Variants in C2orf76 observed in about 807,000 individuals in gnomAD.
C2orf76 encodes UPF0538 protein C2orf76.
In C2orf76, 23 loss-of-function variants were observed where a neutral mutation model predicts 16.9. That is an observed-to-expected ratio of 1.36 (90% CI 0.98 to 1.93). C2orf76 has a LOEUF of 1.93. Ranked by LOEUF, C2orf76 falls within the 30% of genes most tolerant of loss-of-function variation. The pLI is 0.00. For missense variants in C2orf76, 152 were observed against 152.6 expected (o/e 1.00, Z 0.02); for synonymous variants, 48 against 52.3 (o/e 0.92, Z 0.35).
At chr2:119,290,937 T>C in the C2orf76 span, among the ~76,000 whole-genome samples, 1 of 152,130 alleles carries the variant, frequency 6.6e-6, no homozygotes, top group Non-Finnish European at 1.5e-5. Context: ...TGGCTTTGAC[T>C]TTCAGCTATC....
intron 1 of C2orf76, among the ~76,000 whole-genome samples, chr2:119,360,783 G>T (rs1340216361): frequency 6.6e-6 from 1 of 152,078 alleles, no homozygotes; most frequent in Non-Finnish European, 1.5e-5. Context: ...CTATATGATG[G>T]AATAGTACTC....
At chr2:119,315,916 A>C (rs116771408) in intron 4 of C2orf76, among the ~76,000 whole-genome samples, 4,063 of 152,310 alleles carry the variant, frequency 0.027, 79 homozygotes, top group Middle Eastern at 0.092. Flanking sequence ...TAATACTGAT[A>C]ATTTGAACAT....
At chr2:119,341,108 T>C (rs1680016061) in intron 1 of C2orf76, among the ~76,000 whole-genome samples, 1 of 152,074 alleles carries the variant, frequency 6.6e-6, no homozygotes, top group Non-Finnish European at 1.5e-5. Flanking sequence ...CTAATTCATA[T>C]CATTTGAATC....
Position 119,317,503 on chromosome 2 carries a change from T to C in C2orf76, c.185A>G (p.Asp62Gly), listed in dbSNP as rs1320660317. 4 of 1,605,260 alleles carry C rather than the reference T, an allele frequency of 2.5e-6. No individual in the cohort carries two copies. The Admixed American group carries it at 6.7e-5, about 27-fold the overall frequency. Reference sequence around the variant, plus strand: ...TGCTTGATGAATAATCTTTAGTGCATCTGAAAGAAAAAAGCAAGTTATCTT... The same window carrying C: ...TGCTTGATGAATAATCTTTAGTGCACCTGAAAGAAAAAAGCAAGTTATCTT... ...LPPPFRNYKY[D>G]ALKIIHQAHK... Residue 62 changes from aspartate to glycine, a missense_variant and splice_region_variant, in exon 4 of 6, where the codon GAT becomes GGT. Coordinates refer to ENST00000334816, the MANE Select transcript of C2orf76 (RefSeq NM_001322331.2).
chr2:119,335,806 G>T (rs576200080), intron 2 of C2orf76, among the ~76,000 whole-genome samples: 13 of 152,226 alleles, frequency 8.5e-5, no homozygotes, highest in Non-Finnish European at 1.5e-4. Context: ...GTGCCTCTGT[G>T]ACCTTCCTCT....
chr2:119,309,053 G>C (rs1195487322), intron 5 of C2orf76, among the ~76,000 whole-genome samples: 1 of 152,134 alleles, frequency 6.6e-6, no homozygotes, highest in East Asian at 1.9e-4. Context: ...AAGCACTCTG[G>C]CTCTGGACTC....
At chr2:119,365,034 A>T (rs79158537) in intron 1 of C2orf76, among the ~76,000 whole-genome samples, 8,167 of 152,294 alleles carry the variant, frequency 0.054, 272 homozygotes, top group South Asian at 0.11. Context: ...CAGAGAGCTG[A>T]GATTGTGCCA....
intron 1 of C2orf76, among the ~76,000 whole-genome samples, chr2:119,364,572 G>C (rs1195756308): frequency 6.6e-6 from 1 of 152,198 alleles, no homozygotes; most frequent in Non-Finnish European, 1.5e-5. Flanking sequence ...AGAAGTGCCA[G>C]ACACTTGGAG....
At position 119,345,548 on chromosome 2, in the gene C2orf76, G is replaced by C. The variant is rs545243190; in HGVS notation, c.-12-5577C>G. ...TATCAATTATTTTATAAACCCATGG[G>C]TTCATAATGACACTTTTTTAAAAAG... On this transcript the variant is annotated intron_variant, in intron 1 of 5. Coordinates refer to ENST00000334816, the MANE Select transcript of C2orf76 (RefSeq NM_001322331.2). 3.9e-5 allele frequency among the ~76,000 whole-genome samples: 6 copies of C among 152,224 alleles called. No homozygotes were observed. In the South Asian group the frequency reaches 1.2e-3, roughly 32 times the overall value.
intron 2 of C2orf76, among the ~76,000 whole-genome samples, chr2:119,338,567 G>A (rs564901210): frequency 6.6e-6 from 1 of 152,314 alleles, no homozygotes; most frequent in Admixed American, 6.5e-5. Flanking sequence ...AGAGGGGAGA[G>A]AGTGAGGAAT....
the C2orf76 span, among the ~76,000 whole-genome samples, chr2:119,295,223 C>T: frequency 4.6e-5 from 7 of 152,182 alleles, no homozygotes; most frequent in South Asian, 2.1e-4. Flanking sequence ...TCCTGAATTA[C>T]GAGAGATAGC....
chr2:119,288,249 C>T, the C2orf76 span, among the ~76,000 whole-genome samples: 8 of 151,550 alleles, frequency 5.3e-5, no homozygotes, highest in Non-Finnish European at 1.0e-4. Flanking sequence ...CTCCGCCTTC[C>T]GGGTTCCCGC....
At chr2:119,324,853 G>A (rs1679457144) in intron 2 of C2orf76, among the ~76,000 whole-genome samples, 1 of 152,174 alleles carries the variant, frequency 6.6e-6, no homozygotes, top group Admixed American at 6.5e-5. Flanking sequence ...ATATAAAGAT[G>A]CCTGCAAAGG....
intron 1 of C2orf76, among the ~76,000 whole-genome samples, chr2:119,359,999 CAACA>C (rs776532603): frequency 1.3e-5 from 2 of 152,176 alleles, no homozygotes; most frequent in Non-Finnish European, 2.9e-5. Flanking sequence ...TCAATCAATA[CAACA>C]AACATCATTG....
chr2:119,317,366 G>C, intron 4 of C2orf76, 100 bp downstream of exon 4: 1 of 808,900 alleles, frequency 1.2e-6, no homozygotes, highest in Non-Finnish European at 1.8e-6. Context: ...CTATTATAAT[G>C]GGAAATATTT....
At chr2:119,338,992 C>T (rs1679939503) in intron 2 of C2orf76, 1 of 152,166 alleles carries the variant, frequency 6.6e-6, no homozygotes, top group Admixed American at 6.5e-5. Flanking sequence ...TTGCTTTGGC[C>T]TCCGCAGGAA....
At chr2:119,284,688 T>A in the C2orf76 span, among the ~76,000 whole-genome samples, 1 of 151,392 alleles carries the variant, frequency 6.6e-6, no homozygotes, top group African/African-American at 2.4e-5. Context: ...TTGGTTTTTT[T>A]TTTTTTTGCA....
Position 119,344,995 on chromosome 2 carries a change from C to T in C2orf76, c.-12-5024G>A, listed in dbSNP as rs182537462. The stretch of plus-strand genomic sequence containing the variant: ...GAAAAGTAACAATGGATTCTTATCT[C>T]ACTCCTTATACAAAATAACGTGTCT... On this transcript the variant is annotated intron_variant, in intron 1 of 5. Transcript: ENST00000334816. 2.9e-3 allele frequency among the ~76,000 whole-genome samples: 437 copies of T among 152,206 alleles called. 1 individual carries two copies. Among genetic ancestry groups the T allele is most frequent in the Non-Finnish European group, 4.2e-3 (288 of 67,990 alleles).
chr2:119,297,847 C>A (rs1207868188), downstream of C2orf76, among the ~76,000 whole-genome samples: 1 of 152,156 alleles, frequency 6.6e-6, no homozygotes, highest in Admixed American at 6.5e-5. Context: ...CATGAAAAAG[C>A]TCAGAAACTC....
Sources: gnomAD v4.1 joint callset for allele counts (sites outside exome capture counted in the v4.1 genomes callset) on GRCh38, gnomAD v4.1.1 for gene constraint, MANE v1.5 for transcripts, NCBI Gene and HGNC (gene_info 2026-07-23, HGNC 2026-07-21) for gene names.